Variants in PPARGC1A observed in about 807,000 individuals in gnomAD.
PPARGC1A encodes the protein peroxisome proliferator-activated receptor gamma coactivator 1-alpha.
PPARGC1A carries 25 observed loss-of-function variants against 88.7 expected under a neutral mutation model. The ratio of observed to expected loss-of-function variants is 0.28; its 90% CI spans 0.21 to 0.39. The LOEUF is 0.39. Ranked by LOEUF, PPARGC1A falls within the 10% of genes least tolerant of loss-of-function variation. The pLI, the probability that PPARGC1A is intolerant of heterozygous loss-of-function variation, is 1.00. For missense variants in PPARGC1A, 880 were observed against 968.7 expected, an observed-to-expected ratio of 0.91 and a Z score of 1.22; for synonymous variants, 363 against 355.6, an observed-to-expected ratio of 1.02 and a Z score of -0.24.
the PPARGC1A span, among the ~76,000 whole-genome samples, chr4:24,084,182 C>T: frequency 1.3e-5 from 2 of 152,176 alleles, no homozygotes; most frequent in African/African-American, 4.8e-5. Flanking sequence ...TCACTAAATG[C>T]ATATTAGCTG....
the PPARGC1A span, among the ~76,000 whole-genome samples, chr4:24,272,196 G>C: frequency 1.3e-5 from 2 of 151,938 alleles, no homozygotes; most frequent in African/African-American, 2.4e-5. Context: ...AGCTCACGTG[G>C]GATATGATGA....
At chr4:24,256,414 C>A in the PPARGC1A span, among the ~76,000 whole-genome samples, 2 of 152,168 alleles carry the variant, frequency 1.3e-5, no homozygotes, top group African/African-American at 4.8e-5. Flanking sequence ...AGGTTCAGAG[C>A]TGTTTAAATT....
At chr4:24,406,447 T>G in the PPARGC1A span, among the ~76,000 whole-genome samples, 3 of 152,210 alleles carry the variant, frequency 2.0e-5, no homozygotes, top group South Asian at 6.2e-4. Flanking sequence ...CAAATTAAAC[T>G]GTGTGAGTGT....
At chr4:24,161,677 C>T in the PPARGC1A span, among the ~76,000 whole-genome samples, 1 of 152,092 alleles carries the variant, frequency 6.6e-6, no homozygotes, top group Admixed American at 6.6e-5. Flanking sequence ...AAAGAGATAG[C>T]TAAGCTTCCT....
the PPARGC1A span, among the ~76,000 whole-genome samples, chr4:24,455,182 T>A: frequency 3.3e-5 from 5 of 152,330 alleles, no homozygotes; most frequent in Admixed American, 2.6e-4. Flanking sequence ...TTACCAGCCA[T>A]CATTAAAGAA....
chr4:24,136,614 G>A, the PPARGC1A span, among the ~76,000 whole-genome samples: 56 of 152,262 alleles, frequency 3.7e-4, no homozygotes, highest in Admixed American at 3.7e-3. Flanking sequence ...AGTCAGAGAA[G>A]AGCTCACATC....
At chr4:24,056,503 A>T in the PPARGC1A span, among the ~76,000 whole-genome samples, 1 of 152,352 alleles carries the variant, frequency 6.6e-6, no homozygotes, top group Admixed American at 6.5e-5. Context: ...TGGCAATTTT[A>T]GCCATTAAAA....
chr4:23,831,671 T>A lies in PPARGC1A; in HGVS notation c.315A>T (p.Gly105=). The A allele has an allele frequency of 4.3e-6, 7 of 1,613,884 alleles. No homozygotes were observed. Among genetic ancestry groups the A allele is most frequent in the Non-Finnish European group, 5.1e-6 (6 of 1,179,814 alleles). Residue 105 remains glycine (G), a synonymous_variant, in exon 3 of 13, where the codon GGA becomes GGT. Coordinates refer to ENST00000264867, the MANE Select transcript of PPARGC1A (RefSeq NM_013261.5). ...TLDSLPVDED[G]LPSFDALTDG... Reference sequence around the variant, plus strand: ...CTGTCAGCGCATCAAATGAGGGCAATCCGTCTTCATCCACAGGGAGACTGT... The same window carrying A: ...CTGTCAGCGCATCAAATGAGGGCAAACCGTCTTCATCCACAGGGAGACTGT...
chr4:24,360,977 A>T, the PPARGC1A span, among the ~76,000 whole-genome samples: 1 of 152,180 alleles, frequency 6.6e-6, no homozygotes, highest in South Asian at 2.1e-4. Context: ...AGACTTCACA[A>T]AGGAGATGCC....
chr4:23,909,943 G>T, the PPARGC1A span, among the ~76,000 whole-genome samples: 6 of 150,786 alleles, frequency 4.0e-5, no homozygotes, highest in African/African-American at 1.5e-4. Flanking sequence ...TGGGAGCCAA[G>T]ATTTGGCTCT....
At chr4:24,457,518 G>C in the PPARGC1A span, among the ~76,000 whole-genome samples, 2 of 144,900 alleles carry the variant, frequency 1.4e-5, no homozygotes, top group African/African-American at 5.4e-5. Context: ...AATAACAAAA[G>C]ATACTGTTTT....
At chr4:24,040,168 T>TCTTTGCATTAGGTAC in the PPARGC1A span, among the ~76,000 whole-genome samples, 1 of 152,192 alleles carries the variant, frequency 6.6e-6, no homozygotes, top group Non-Finnish European at 1.5e-5. Context: ...TGACTAGGTA[T>TCTTTGCATTAGGTAC]CTTTGCATTA....
chr4:24,278,897 C>CCCTAGGTCACTCTTA, the PPARGC1A span, among the ~76,000 whole-genome samples: 1 of 152,202 alleles, frequency 6.6e-6, no homozygotes, highest in African/African-American at 2.4e-5. Flanking sequence ...CAACACTCTC[C>CCCTAGGTCACTCTTA]CCTAGGTCAC....
chr4:24,122,318 G>A, the PPARGC1A span, among the ~76,000 whole-genome samples: 1 of 151,548 alleles, frequency 6.6e-6, no homozygotes. Context: ...TGGTGGATAG[G>A]GTAGAGAGGA....
chr4:23,857,373 G>C (rs1287582646), intron 2 of PPARGC1A, among the ~76,000 whole-genome samples: 1 of 104,452 alleles, frequency 9.6e-6, no homozygotes, highest in Non-Finnish European at 2.0e-5. Context: ...GTGTGTGTGT[G>C]ACACACACAC....
chr4:23,890,101 CT>C, upstream of PPARGC1A: 3 of 1,374,190 alleles, frequency 2.2e-6, no homozygotes, highest in Non-Finnish European at 2.8e-6. Context: ...CATGACAAAG[CT>C]ATTAAAAAGT....
the PPARGC1A span, among the ~76,000 whole-genome samples, chr4:24,359,400 T>G: frequency 2.0e-5 from 3 of 152,152 alleles, no homozygotes; most frequent in African/African-American, 7.2e-5. Context: ...TTTATCCCGG[T>G]CTCTACCCTG....
chr4:24,276,162 G>T, the PPARGC1A span, among the ~76,000 whole-genome samples: 2 of 152,168 alleles, frequency 1.3e-5, no homozygotes, highest in Non-Finnish European at 2.9e-5. Flanking sequence ...CAAAGAAAGG[G>T]CAGCAGCCAC....
chr4:23,801,485 T>C (rs900953061), intron 12 of PPARGC1A, among the ~76,000 whole-genome samples: 2 of 152,146 alleles, frequency 1.3e-5, no homozygotes, highest in African/African-American at 2.4e-5. Context: ...TCCACATACA[T>C]ACCTACCACA....
Sources: allele counts gnomAD v4.1 joint callset (sites outside exome capture counted in the v4.1 genomes callset), GRCh38; gene constraint gnomAD v4.1.1; transcripts MANE v1.5; gene names NCBI Gene and HGNC (gene_info 2026-07-23, HGNC 2026-07-21).